The following ZKSCAN7 variants were observed in gnomAD, a reference collection of about 807,000 sequenced individuals.
ZKSCAN7 encodes the protein zinc finger protein with KRAB and SCAN domains 7.
A neutral mutation model predicts 65.3 loss-of-function variants in ZKSCAN7; 38 were observed. That is an observed-to-expected ratio of 0.58 (90% confidence interval 0.45 to 0.76). The LOEUF is 0.76. Ranked by LOEUF, ZKSCAN7 falls within the 30% of genes least tolerant of loss-of-function variation. ZKSCAN7 has a pLI of 0.00. For missense variants in ZKSCAN7, 815 were observed against 913.3 expected, an observed-to-expected ratio of 0.89 and a Z score of 1.39; for synonymous variants, 321 against 321.0, an observed-to-expected ratio of 1.00 and a Z score of 0.00.
chr3:44,579,953 C>A (rs1028222252), intron 5 of ZKSCAN7: 2 of 1,524,294 alleles, frequency 1.3e-6, no homozygotes, highest in Non-Finnish European at 1.8e-6. Context: ...CGGGGGAAGC[C>A]GAGGCGTCTG....
At position 44,565,499 on chromosome 3, in the gene ZKSCAN7, G is replaced by A. The variant is rs772436954; in HGVS notation, c.436G>A (p.Ala146Thr). The stretch of plus-strand genomic sequence containing the variant: ...TCCCTCTCTCTAGGTTTCAGCCCCA[G>A]CACAGAAACAGGAAATGCATTTTGA... ...LSGSEEVSAP[A>T]QKQEMHFEET... The change falls in exon 3 of 6, where the codon GCA (alanine) becomes ACA (threonine). Residue 146 changes from alanine (A) to threonine (T), a missense_variant. Physicochemically the swap from Ala to Thr is moderately conservative, Grantham distance 58 (BLOSUM62 0). Transcript: ENST00000426540. 6.2e-7 allele frequency: 1 copy of A among 1,608,350 alleles called. No homozygotes were observed. The highest frequency in any genetic ancestry group is 2.2e-5 in the East Asian group (1 of 44,650).
intron 5 of ZKSCAN7, chr3:44,580,035 C>T (rs987084753): frequency 3.2e-5 from 50 of 1,579,460 alleles, no homozygotes; most frequent in Admixed American, 3.0e-4. Context: ...CTCGCTGCGG[C>T]CCTGGCGTGT....
At chr3:44,577,375 T>C (rs1036226847) in intron 5 of ZKSCAN7, among the ~76,000 whole-genome samples, 1 of 152,140 alleles carries the variant, frequency 6.6e-6, no homozygotes, top group Admixed American at 6.5e-5. Flanking sequence ...GGTTCTAAGC[T>C]GCATCAGTGG....
intron 5 of ZKSCAN7, chr3:44,582,858 A>G (rs1184192146): frequency 5.5e-6 from 2 of 363,924 alleles, no homozygotes; most frequent in Non-Finnish European, 1.1e-5. Flanking sequence ...GGTGAAAGGG[A>G]AGACTAAGTA....
rs768831399 is a variant in ZKSCAN7 at position 44,571,099 on chromosome 3, T to C, written c.1989T>C (p.Tyr663=). ...HQRIHTGEKP[Y]ECNECGKVFS... is the part of the protein sequence containing the mutation. ...GAATTCACACTGGTGAGAAACCCTA[T>C]GAATGTAATGAGTGTGGGAAGGTAT... The change falls in exon 6 of 6, where the codon TAT becomes TAC. Residue 663 remains tyrosine, a synonymous_variant. Transcript: ENST00000426540. 6.2e-7 allele frequency: 1 copy of C among 1,614,094 alleles called. No homozygotes were observed. The highest frequency in any genetic ancestry group is 1.1e-5 in the South Asian group (1 of 91,078).
At chr3:44,579,015 C>T (rs904326948) in intron 5 of ZKSCAN7, among the ~76,000 whole-genome samples, 2 of 152,212 alleles carry the variant, frequency 1.3e-5, no homozygotes, top group East Asian at 1.9e-4. Context: ...GAGGTCAGCT[C>T]GTGTGTGGAG....
In ZKSCAN7 at chr3:44,568,366, C is replaced by A. The variant is rs1279073946; in HGVS notation, c.744C>A (p.Leu248=). ...ACACTCAGAAGAAATGGAAAAGTCT[C>A]ACACTCAGTCAGAGAGCCCTGCAGT... ...VDYTQKKWKS[L]TLSQRALQWN... The change falls in exon 5 of 6, where the codon CTC becomes CTA. Residue 248 remains leucine, a synonymous_variant. Transcript: ENST00000426540. 6.2e-7 allele frequency: 1 copy of A among 1,614,062 alleles called. No individual in the cohort carries two copies. The highest frequency in any genetic ancestry group is 2.2e-5 in the East Asian group (1 of 44,902).
rs1385656697 is a variant in ZKSCAN7, at chr3:44,580,500, G to C, written c.812-2472G>C. 4 of 1,609,436 alleles carry C rather than the reference G, an allele frequency of 2.5e-6. No homozygotes were observed. The African/African-American group carries it at 5.3e-5, about 21-fold the overall frequency. ...GCTGCTGCTGCTGCTGGTGGTAACA[G>C]CCACCTTGGCAGGCCCAGGCTCCTG... On this transcript the variant is annotated intron_variant, in intron 5 of 5. Coordinates refer to the ZKSCAN7 transcript ENST00000341840.
chr3:44,582,273 G>A (rs1321138695), intron 5 of ZKSCAN7, among the ~76,000 whole-genome samples: 4 of 152,212 alleles, frequency 2.6e-5, no homozygotes, highest in Admixed American at 6.5e-5. Context: ...CAAGTAGGGT[G>A]AGATGCAGAC....
intron 5 of ZKSCAN7, among the ~76,000 whole-genome samples, chr3:44,581,434 C>T (rs1700085595): frequency 6.6e-6 from 1 of 152,208 alleles, no homozygotes; most frequent in African/African-American, 2.4e-5. Flanking sequence ...AAACATCATA[C>T]ACCAGAGACT....
chr3:44,580,879 G>C (rs74644422), intron 5 of ZKSCAN7: 1 of 1,613,432 alleles, frequency 6.2e-7, no homozygotes, highest in Admixed American at 1.7e-5. Flanking sequence ...GCCAGGAGGA[G>C]CCAACCGCCA....
intron 5 of ZKSCAN7, among the ~76,000 whole-genome samples, chr3:44,569,518 C>T (rs1699730990): frequency 6.6e-6 from 1 of 152,174 alleles, no homozygotes; most frequent in South Asian, 2.1e-4. Context: ...TCTCTCCCAA[C>T]ATGTTTTCTG....
intron 2 of ZKSCAN7, among the ~76,000 whole-genome samples, chr3:44,559,705 G>T (rs888370060): frequency 3.3e-5 from 5 of 152,180 alleles, no homozygotes; most frequent in African/African-American, 7.2e-5. Context: ...GGAATTACAG[G>T]TGTGAGCCAT....
In ZKSCAN7 at chr3:44,580,439, G is replaced by A. The variant is rs558237992; in HGVS notation, c.812-2533G>A. The A allele has an allele frequency of 3.9e-4, 626 of 1,600,964 alleles. 5 individuals carry two copies. The South Asian group carries it at 6.6e-3, about 17-fold the overall frequency. On this transcript the variant is annotated intron_variant, in intron 5 of 5. Transcript: ENST00000341840. Reference sequence around the variant, plus strand: ...TTTCTTCCTGCCAGAGTGTGGACTTGGTGGTGGGGACTTTCTCAGCACTGG... The same window carrying A: ...TTTCTTCCTGCCAGAGTGTGGACTTAGTGGTGGGGACTTTCTCAGCACTGG...
chr3:44,556,580 G>A (rs1340946632), intron 1 of ZKSCAN7, among the ~76,000 whole-genome samples: 1 of 152,216 alleles, frequency 6.6e-6, no homozygotes, highest in Non-Finnish European at 1.5e-5. Flanking sequence ...AAATAACTTA[G>A]TATTTTCTCT....
At chr3:44,580,542 A>G (rs1700048356) in intron 5 of ZKSCAN7, 2 of 1,613,670 alleles carry the variant, frequency 1.2e-6, no homozygotes, top group East Asian at 2.2e-5. Flanking sequence ...GGGGGGCTCC[A>G]CTTTCCATTT....
intron 5 of ZKSCAN7, among the ~76,000 whole-genome samples, chr3:44,579,619 C>A (rs1277481000): frequency 1.3e-5 from 2 of 152,170 alleles, no homozygotes; most frequent in Non-Finnish European, 2.9e-5. Flanking sequence ...GGATCCAGTT[C>A]CGCCGAATCC....
downstream of ZKSCAN7, among the ~76,000 whole-genome samples, chr3:44,572,813 C>G (rs548148592): frequency 8.2e-4 from 115 of 140,646 alleles, no homozygotes; most frequent in African/African-American, 3.0e-3. Context: ...TCGCACCACT[C>G]CACTCCAGCC....
At chr3:44,581,048 G>A (rs1247960380) in intron 5 of ZKSCAN7, 23 of 1,512,634 alleles carry the variant, frequency 1.5e-5, no homozygotes, top group African/African-American at 5.7e-5. Flanking sequence ...CGGCGGCGGC[G>A]GCGCAGGCCC....
Sources: allele counts gnomAD v4.1 joint callset (sites outside exome capture counted in the v4.1 genomes callset), GRCh38; gene constraint gnomAD v4.1.1; transcripts MANE v1.5; gene names NCBI Gene and HGNC (gene_info 2026-07-23, HGNC 2026-07-21).